SLC9A9: variants seen among roughly 807,000 people sequenced by gnomAD.
The protein encoded by SLC9A9 is sodium/hydrogen exchanger 9.
SLC9A9 carries 62 observed loss-of-function variants against 77.8 expected under a neutral mutation model. The ratio of observed to expected loss-of-function variants is 0.80; its 90% confidence interval spans 0.65 to 0.98. The LOEUF is 0.98. Among genes scored for constraint, SLC9A9 ranks in the 50% least tolerant of loss-of-function variants. SLC9A9 has a pLI of 0.00. For synonymous variants in SLC9A9, 320 were observed against 283.5 expected (o/e 1.13, Z -1.29); for missense variants, 775 against 774.9 (o/e 1.00, Z 0.00).
At chr3:143,570,799 T>C (rs2108654820) in intron 8 of SLC9A9, among the ~76,000 whole-genome samples, 1 of 151,822 alleles carries the variant, frequency 6.6e-6, no homozygotes, top group African/African-American at 2.4e-5. Context: ...TGTGTATAAT[T>C]ATATATATAT....
intron 14 of SLC9A9, among the ~76,000 whole-genome samples, chr3:143,335,257 TTGAA>T (rs1381458631): frequency 2.0e-5 from 3 of 152,248 alleles, no homozygotes; most frequent in Admixed American, 6.5e-5. Flanking sequence ...GACTTGTACA[TTGAA>T]AAGTACAAAA....
intron 6 of SLC9A9, among the ~76,000 whole-genome samples, chr3:143,595,503 C>T (rs916859707): frequency 6.6e-5 from 10 of 152,178 alleles, no homozygotes; most frequent in African/African-American, 2.2e-4. Flanking sequence ...ATACATCCTT[C>T]AATCTTGCTT....
At chr3:143,692,100 A>C (rs1444524381) in intron 5 of SLC9A9, among the ~76,000 whole-genome samples, 5 of 152,172 alleles carry the variant, frequency 3.3e-5, no homozygotes, top group Non-Finnish European at 7.4e-5. Context: ...TAAGAAATAC[A>C]GGGCACTGAG....
At chr3:143,650,360 T>C (rs1395633841) in intron 6 of SLC9A9, among the ~76,000 whole-genome samples, 1 of 152,110 alleles carries the variant, frequency 6.6e-6, no homozygotes, top group Non-Finnish European at 1.5e-5. Flanking sequence ...TGTGTGTAAA[T>C]AGATGTACAA....
Position 143,406,608 on chromosome 3 carries a change from A to G in SLC9A9, c.1470-24494T>C, listed in dbSNP as rs571792950. ...ACTCCTGACCTCAGGTTTTTCCTGT[A>G]TCTTAAAAAGTATGCTATTTCTTCA... is the stretch of plus-strand genomic sequence containing the variant. On this transcript the variant is annotated intron_variant, in intron 12 of 15. Transcript: ENST00000316549. Among the ~76,000 whole-genome samples the G allele has an allele frequency of 9.2e-5, 14 of 152,230 alleles. No individual in the cohort carries two copies. In the South Asian group the frequency reaches 2.9e-3, roughly 32 times the overall value.
chr3:143,440,445 T>C (rs946157909), intron 12 of SLC9A9, among the ~76,000 whole-genome samples: 10 of 152,146 alleles, frequency 6.6e-5, no homozygotes, highest in Admixed American at 3.9e-4. Flanking sequence ...TCAAGGAGTT[T>C]GGCCCCTAAC....
intron 4 of SLC9A9, among the ~76,000 whole-genome samples, chr3:143,699,143 G>A (rs868270319): frequency 8.5e-5 from 13 of 152,154 alleles, no homozygotes; most frequent in Admixed American, 6.5e-4. Flanking sequence ...TTCCCCTAGT[G>A]AAATTCATTC....
intron 4 of SLC9A9, among the ~76,000 whole-genome samples, chr3:143,724,912 A>G (rs527336097): frequency 1.9e-4 from 29 of 152,246 alleles, no homozygotes; most frequent in African/African-American, 6.7e-4. Flanking sequence ...AGGTGGCTCA[A>G]AATCCTCATG....
At chr3:143,437,597 A>T (rs2034646710) in intron 12 of SLC9A9, among the ~76,000 whole-genome samples, 1 of 152,268 alleles carries the variant, frequency 6.6e-6, no homozygotes, top group African/African-American at 2.4e-5. Flanking sequence ...GCCGCTCAAC[A>T]GGCAGGAAAG....
chr3:143,753,214 T>C (rs1302317708), intron 4 of SLC9A9, among the ~76,000 whole-genome samples: 12 of 152,222 alleles, frequency 7.9e-5, no homozygotes, highest in Admixed American at 6.5e-4. Flanking sequence ...CTGTATTTTA[T>C]GACCTTTGGA....
chr3:143,304,329 C>T (rs768609864), intron 14 of SLC9A9, among the ~76,000 whole-genome samples: 2 of 152,156 alleles, frequency 1.3e-5, no homozygotes, highest in Non-Finnish European at 2.9e-5. Flanking sequence ...CAAGAAACAC[C>T]CACGTTAATG....
At chr3:143,406,364 G>A (rs752717871) in intron 12 of SLC9A9, among the ~76,000 whole-genome samples, 4 of 151,968 alleles carry the variant, frequency 2.6e-5, no homozygotes, top group Non-Finnish European at 4.4e-5. Context: ...GGATCACTAA[G>A]ATTTTATTTT....
chr3:143,466,952 A>G, intron 12 of SLC9A9, 85 bp downstream of exon 12: 1 of 1,512,160 alleles, frequency 6.6e-7, no homozygotes, highest in African/African-American at 1.4e-5. Flanking sequence ...CTGCCACTGT[A>G]CTATTGACTA....
intron 4 of SLC9A9, among the ~76,000 whole-genome samples, chr3:143,784,048 G>A (rs2007968417): frequency 1.3e-5 from 2 of 152,276 alleles, no homozygotes; most frequent in Admixed American, 6.5e-5. Context: ...ATGCAGCCAC[G>A]GAAGAGATTC....
intron 4 of SLC9A9, among the ~76,000 whole-genome samples, chr3:143,709,486 T>TTC (rs1934084382): frequency 6.6e-6 from 1 of 152,134 alleles, no homozygotes; most frequent in Admixed American, 6.6e-5. Context: ...CAGCCACACT[T>TTC]TGAGTATGAA....
intron 9 of SLC9A9, among the ~76,000 whole-genome samples, chr3:143,508,306 G>C (rs2036061328): frequency 6.6e-6 from 1 of 152,132 alleles, no homozygotes; most frequent in South Asian, 2.1e-4. Context: ...CCAATCCCTT[G>C]ATAAAAGTAT....
intron 11 of SLC9A9, among the ~76,000 whole-genome samples, chr3:143,484,663 T>G (rs2035629495): frequency 6.6e-6 from 1 of 152,174 alleles, no homozygotes; most frequent in Non-Finnish European, 1.5e-5. Context: ...TTAGACATGC[T>G]GGGGTTGGCC....
At chr3:143,299,641 C>A (rs1456217495) in intron 14 of SLC9A9, among the ~76,000 whole-genome samples, 2 of 152,172 alleles carry the variant, frequency 1.3e-5, no homozygotes, top group Non-Finnish European at 2.9e-5. Context: ...GATGGGGTTT[C>A]ACCGTGTTAG....
intron 4 of SLC9A9, among the ~76,000 whole-genome samples, chr3:143,693,688 G>A (rs1933546514): frequency 6.6e-6 from 1 of 152,092 alleles, no homozygotes; most frequent in Admixed American, 6.6e-5. Flanking sequence ...TTTTGTCACT[G>A]GCGGTGTCTG....
Sources: allele counts gnomAD v4.1 joint callset (sites outside exome capture counted in the v4.1 genomes callset), GRCh38; gene constraint gnomAD v4.1.1; transcripts MANE v1.5; gene names NCBI Gene and HGNC (gene_info 2026-07-23, HGNC 2026-07-21).